ATG7: variants seen among roughly 807,000 people sequenced by gnomAD.
ATG7 encodes the protein ubiquitin-like modifier-activating enzyme ATG7.
In ATG7, 70 loss-of-function variants were observed where a neutral mutation model predicts 82.4. That is an observed-to-expected ratio of 0.85 (90% confidence interval 0.70 to 1.04). ATG7 has a LOEUF of 1.04. Among genes scored for constraint, ATG7 ranks in the 50% least tolerant of loss-of-function variants. The probability of loss-of-function intolerance (pLI) is 0.00; values close to 1 mark genes in which losing one functional copy is unlikely to be tolerated. For synonymous variants in ATG7, 287 were observed against 313.0 expected (o/e 0.92, Z 0.88); for missense variants, 792 against 864.3 (o/e 0.92, Z 1.05).
At chr3:11,471,241 G>A (rs574325674) in intron 20 of ATG7, among the ~76,000 whole-genome samples, 18 of 152,122 alleles carry the variant, frequency 1.2e-4, no homozygotes, top group Non-Finnish European at 2.1e-4. Context: ...AGCTCCTACC[G>A]CTGGCCCCAG....
chr3:11,335,951 C>T (rs1952395184), intron 11 of ATG7, among the ~76,000 whole-genome samples: 1 of 151,852 alleles, frequency 6.6e-6, no homozygotes, highest in Non-Finnish European at 1.5e-5. Flanking sequence ...CCCGCCTCGG[C>T]CTCCCAAAGT....
At chr3:11,293,005 G>A (rs867938553) in intron 3 of ATG7, among the ~76,000 whole-genome samples, 1 of 152,126 alleles carries the variant, frequency 6.6e-6, no homozygotes, top group Admixed American at 6.6e-5. Context: ...AATTGAAGAT[G>A]ACTTTGAAAT....
intron 20 of ATG7, among the ~76,000 whole-genome samples, chr3:11,498,981 G>A (rs1018153578): frequency 6.6e-6 from 1 of 152,132 alleles, no homozygotes; most frequent in African/African-American, 2.4e-5. Flanking sequence ...TTGGTCCCTG[G>A]TGCTCCTAGA....
chr3:11,405,807 A>T (rs76862735), intron 19 of ATG7, among the ~76,000 whole-genome samples: 1 of 150,190 alleles, frequency 6.7e-6, no homozygotes, highest in African/African-American at 2.5e-5. Context: ...TTTTGTAGAG[A>T]TGGGGTTTCG....
At chr3:11,459,388 A>G (rs1313129788) in intron 20 of ATG7, among the ~76,000 whole-genome samples, 1 of 152,170 alleles carries the variant, frequency 6.6e-6, no homozygotes, top group East Asian at 1.9e-4. Context: ...TTTTATATTT[A>G]TGTACATTCT....
chr3:11,390,070 CATT>C (rs1190910097), intron 19 of ATG7, among the ~76,000 whole-genome samples: 1 of 152,202 alleles, frequency 6.6e-6, no homozygotes, highest in Non-Finnish European at 1.5e-5. Flanking sequence ...GGTAATTACT[CATT>C]GTTGTGTTGA....
chr3:11,390,726 A>G (rs1467971585), intron 19 of ATG7, among the ~76,000 whole-genome samples: 1 of 146,554 alleles, frequency 6.8e-6, no homozygotes, highest in Non-Finnish European at 1.5e-5. Flanking sequence ...AATAAAGAGA[A>G]TGAGCAATTT....
intron 14 of ATG7, 92 bp from the exon 15 acceptor site, chr3:11,358,326 C>A (rs2076066531): frequency 2.3e-6 from 3 of 1,301,272 alleles, no homozygotes; most frequent in Non-Finnish European, 2.1e-6. Flanking sequence ...TATGTGAACA[C>A]AAGTAAGTGC....
chr3:11,532,158 G>C (rs1258869732), intron 20 of ATG7, among the ~76,000 whole-genome samples: 1 of 152,226 alleles, frequency 6.6e-6, no homozygotes, highest in Non-Finnish European at 1.5e-5. Flanking sequence ...AGAGTCAAAA[G>C]AAGATTTGCT....
chr3:11,477,343 G>C (rs1026020725), intron 20 of ATG7: 1 of 1,119,364 alleles, frequency 8.9e-7, no homozygotes, highest in Non-Finnish European at 1.1e-6. Flanking sequence ...CGATAAATAC[G>C]TTCAGTAATG....
chr3:11,567,302 G>C, the ATG7 span, among the ~76,000 whole-genome samples: 46 of 152,290 alleles, frequency 3.0e-4, no homozygotes, highest in African/African-American at 1.1e-3. Flanking sequence ...TGAGCGCCAA[G>C]AGAACCCTGT....
At chr3:11,543,320 G>A (rs1395913005) in intron 20 of ATG7, among the ~76,000 whole-genome samples, 1 of 152,206 alleles carries the variant, frequency 6.6e-6, no homozygotes. Context: ...CTGGCAGCAG[G>A]GGGCTGGGGT....
At chr3:11,370,224 G>C (rs953448272) in intron 18 of ATG7, among the ~76,000 whole-genome samples, 1 of 151,162 alleles carries the variant, frequency 6.6e-6, no homozygotes, top group African/African-American at 2.4e-5. Context: ...ATAAAGCTCT[G>C]AAAGCAATGA....
intron 20 of ATG7, among the ~76,000 whole-genome samples, chr3:11,479,992 A>G (rs1489458116): frequency 2.6e-5 from 4 of 151,740 alleles, no homozygotes; most frequent in Admixed American, 1.3e-4. Context: ...CAGTGGCACA[A>G]TCTCGGCTTA....
At chr3:11,422,386 G>C (rs2082005539) in intron 19 of ATG7, among the ~76,000 whole-genome samples, 1 of 152,190 alleles carries the variant, frequency 6.6e-6, no homozygotes, top group African/African-American at 2.4e-5. Flanking sequence ...ATGTTATGGA[G>C]ACAGCTTCTT....
At chr3:11,425,453 G>T (rs2082285700) in intron 19 of ATG7, among the ~76,000 whole-genome samples, 1 of 152,166 alleles carries the variant, frequency 6.6e-6, no homozygotes, top group Admixed American at 6.5e-5. Context: ...TGATTTCTTA[G>T]ATATGTCTTC....
intron 20 of ATG7, among the ~76,000 whole-genome samples, chr3:11,498,401 G>A (rs528559803): frequency 6.6e-6 from 1 of 152,280 alleles, no homozygotes; most frequent in Non-Finnish European, 1.5e-5. Flanking sequence ...ACTCTGTATT[G>A]TCATAGGCTT....
At chr3:11,530,139 G>A (rs1013702274) in intron 20 of ATG7, among the ~76,000 whole-genome samples, 1 of 152,196 alleles carries the variant, frequency 6.6e-6, no homozygotes, top group Non-Finnish European at 1.5e-5. Flanking sequence ...TGCAGAAAGA[G>A]CCAGCACAGA....
intron 19 of ATG7, among the ~76,000 whole-genome samples, chr3:11,384,928 G>A (rs1212381960): frequency 6.6e-6 from 1 of 152,242 alleles, no homozygotes; most frequent in African/African-American, 2.4e-5. Context: ...GGGCGACAGA[G>A]CAAGACTCTG....
Sources: gnomAD v4.1 joint callset for allele counts (sites outside exome capture counted in the v4.1 genomes callset) on GRCh38, gnomAD v4.1.1 for gene constraint, MANE v1.5 for transcripts, NCBI Gene and HGNC (gene_info 2026-07-23, HGNC 2026-07-21) for gene names.